Variants in TERB2 observed in about 807,000 individuals in gnomAD.
TERB2 encodes telomere repeats-binding bouquet formation protein 2.
TERB2 carries 26 observed loss-of-function variants against 29.8 expected under a neutral mutation model. The observed-to-expected ratio is 0.87, with a 90% confidence interval of 0.64 to 1.21. The LOEUF is 1.21. Ranked by LOEUF, TERB2 falls within the 50% of genes most tolerant of loss-of-function variation. TERB2 has a pLI of 0.00. For missense variants in TERB2, 240 were observed against 268.6 expected (o/e 0.89, Z 0.74); for synonymous variants, 80 against 90.8 (o/e 0.88, Z 0.68).
chr15:44,971,737 CAG>C, intron 5 of TERB2, among the ~76,000 whole-genome samples: 2 of 151,614 alleles, frequency 1.3e-5, no homozygotes, highest in African/African-American at 2.4e-5. Context: ...GCCTGGGTGA[CAG>C]AGCAAGACTC....
chr15:44,969,241 C>G (rs1891933240), intron 5 of TERB2, among the ~76,000 whole-genome samples: 1 of 152,172 alleles, frequency 6.6e-6, no homozygotes, highest in Non-Finnish European at 1.5e-5. Context: ...GTAGCTGTGA[C>G]TACAGCTGTG....
chr15:44,963,733 C>T (rs1202770941), intron 4 of TERB2, among the ~76,000 whole-genome samples: 2 of 149,460 alleles, frequency 1.3e-5, no homozygotes, highest in Non-Finnish European at 2.9e-5. Flanking sequence ...AGAGAGGAGG[C>T]ACTCAAGGTG....
rs1314024210 is a variant in TERB2, at chr15:44,978,409, C to G, written c.524-80C>G. ...AAAACATTCTTTAGAAGTCTTAACT[C>G]TAATAAATCAAAGACACTGAAAAGC... is the stretch of plus-strand genomic sequence containing the variant. On this transcript the variant is annotated intron_variant, in intron 6 of 6. Coordinates refer to ENST00000340827, the MANE Select transcript of TERB2 (RefSeq NM_152448.3). 2.9e-5 allele frequency: 41 copies of G among 1,394,978 alleles called. No homozygotes were observed. In the Admixed American group the frequency reaches 1.1e-3, roughly 36 times the overall value. 86.4% of individuals were successfully genotyped at this position (1,394,978 alleles called of 1,614,324 possible). A position where few individuals can be genotyped will look rare whatever the true frequency, so the allele number is the denominator to read the frequency against.
chr15:44,972,020 G>GTTTTTTTT, intron 5 of TERB2, among the ~76,000 whole-genome samples: 1 of 113,552 alleles, frequency 8.8e-6, no homozygotes, highest in Non-Finnish European at 1.7e-5. Context: ...ACAGAGTTTC[G>GTTTTTTTT]TTCTTGTTGC....
chr15:44,963,935 C>T (rs866692721), intron 4 of TERB2, among the ~76,000 whole-genome samples: 2 of 151,148 alleles, frequency 1.3e-5, no homozygotes, highest in South Asian at 2.1e-4. Context: ...CTCAGCCTCC[C>T]GAGTAGCTGG....
intron 5 of TERB2, among the ~76,000 whole-genome samples, chr15:44,971,840 T>A (rs1891976088): frequency 6.6e-6 from 1 of 151,208 alleles, no homozygotes. Context: ...CCCCTCCTTT[T>A]TTCCCTTTAT....
intron 4 of TERB2, among the ~76,000 whole-genome samples, chr15:44,962,316 G>T (rs1891818412): frequency 6.6e-6 from 1 of 151,680 alleles, no homozygotes; most frequent in Non-Finnish European, 1.5e-5. Context: ...AGAGTAGCTG[G>T]GACCACGGGC....
In TERB2 at chr15:44,961,190, TGA is replaced by T. The variant is rs1491351413; in HGVS notation, c.287-332_287-331del. Among the ~76,000 whole-genome samples the T allele has an allele frequency of 3.2e-5, 4 of 124,098 alleles. 1 individual carries two copies. In the East Asian group the frequency reaches 8.5e-4, roughly 26 times the overall value. The allele number at this position is 124,098 out of a possible 152,430, so 81.4% of individuals were successfully genotyped here. On this transcript the variant is annotated intron_variant, in intron 3 of 6. Transcript: ENST00000340827. ...AGAAGAGTGGATGAACATACCTCAA[TGA>T]TATATATATATATATATATATATAC...
At chr15:44,958,587 A>G (rs1475995758) in intron 3 of TERB2, 75 bp downstream of exon 3, 1 of 1,399,774 alleles carries the variant, frequency 7.1e-7, no homozygotes, top group Non-Finnish European at 9.6e-7. Flanking sequence ...GCCAAATTCA[A>G]CTGTACTTAT....
chr15:44,967,459 C>T (rs957353451), intron 5 of TERB2, among the ~76,000 whole-genome samples: 4 of 152,322 alleles, frequency 2.6e-5, no homozygotes, highest in Non-Finnish European at 4.4e-5. Flanking sequence ...TCGCACCAAT[C>T]CTTGCAATGG....
chr15:44,963,886 C>G (rs552374844), intron 4 of TERB2, among the ~76,000 whole-genome samples: 1 of 136,028 alleles, frequency 7.4e-6, no homozygotes, highest in Non-Finnish European at 1.5e-5. Context: ...CTCAAGCTTA[C>G]TGCGACCACC....
intron 3 of TERB2, among the ~76,000 whole-genome samples, chr15:44,960,137 T>C (rs2141238786): frequency 6.6e-6 from 1 of 152,342 alleles, no homozygotes; most frequent in African/African-American, 2.4e-5. Flanking sequence ...ACTTATATGA[T>C]TTTAAATTAT....
intron 3 of TERB2, among the ~76,000 whole-genome samples, chr15:44,960,945 T>A (rs1403948801): frequency 1.3e-5 from 2 of 151,958 alleles, no homozygotes; most frequent in African/African-American, 2.4e-5. Flanking sequence ...TATATATGTG[T>A]ATCTGTATCA....
intron 6 of TERB2, among the ~76,000 whole-genome samples, chr15:44,976,772 T>C (rs1205270360): frequency 6.6e-6 from 1 of 152,182 alleles, no homozygotes; most frequent in Admixed American, 6.5e-5. Context: ...AACAGACATT[T>C]TTTTAAACAT....
rs551487291 is a variant in TERB2 at position 44,967,577 on chromosome 15, T to C, written c.434+1334T>C. On this transcript the variant is annotated intron_variant, in intron 5 of 6. Transcript: ENST00000340827. ...CTGGCTCAGGGCTGAGGCCAGTTTC[T>C]TTCAGTGTTTTGAGCAGCAACCTAG... 8.5e-5 allele frequency among the ~76,000 whole-genome samples: 13 copies of C among 152,324 alleles called. No individual in the cohort carries two copies. The East Asian group carries it at 2.5e-3, about 29-fold the overall frequency.
intron 3 of TERB2, 102 bp downstream of exon 3, chr15:44,958,614 T>C: frequency 7.7e-7 from 1 of 1,292,310 alleles, no homozygotes; most frequent in Non-Finnish European, 1.0e-6. Flanking sequence ...CTCAGTCACA[T>C]ATTTTTGAAT....
chr15:44,963,920 C>A (rs1196082781), intron 4 of TERB2, among the ~76,000 whole-genome samples: 1 of 147,258 alleles, frequency 6.8e-6, no homozygotes, highest in East Asian at 2.0e-4. Context: ...AAGCGATTCT[C>A]GTGCCTCAGC....
chr15:44,957,126 A>T, intron 2 of TERB2, 149 bp downstream of exon 2: 2 of 882,796 alleles, frequency 2.3e-6, no homozygotes, highest in Admixed American at 2.2e-5. Flanking sequence ...AAGCAGGAGA[A>T]TCGCTTGAAC....
intron 5 of TERB2, among the ~76,000 whole-genome samples, chr15:44,971,694 T>G (rs1359021826): frequency 6.6e-6 from 1 of 151,810 alleles, no homozygotes; most frequent in Non-Finnish European, 1.5e-5. Context: ...GGCCTGAGCT[T>G]GCAGTAAGCC....
Sources: gnomAD v4.1 joint callset for allele counts (sites outside exome capture counted in the v4.1 genomes callset) on GRCh38, gnomAD v4.1.1 for gene constraint, MANE v1.5 for transcripts, NCBI Gene and HGNC (gene_info 2026-07-23, HGNC 2026-07-21) for gene names.